SUSD4: variants seen among roughly 807,000 people sequenced by gnomAD.
SUSD4 encodes the protein sushi domain-containing protein 4.
In SUSD4, 41 loss-of-function variants were observed where a neutral mutation model predicts 50.5. That is an observed-to-expected ratio of 0.81 (90% CI 0.63 to 1.05). The LOEUF (loss-of-function observed/expected upper bound fraction) is 1.05, where lower values mean the gene tolerates loss of function less well. Among genes scored for constraint, SUSD4 ranks in the 50% least tolerant of loss-of-function variants. The probability of loss-of-function intolerance (pLI) is 0.00; values close to 1 mark genes in which losing one functional copy is unlikely to be tolerated. For missense variants in SUSD4, 580 were observed against 634.7 expected (o/e 0.91, Z 0.93); for synonymous variants, 257 against 257.3 (o/e 1.00, Z 0.01).
chr1:223,276,704 CATAA>C (rs1405509068), intron 3 of SUSD4, among the ~76,000 whole-genome samples: 1 of 152,202 alleles, frequency 6.6e-6, no homozygotes, highest in East Asian at 1.9e-4. Flanking sequence ...TTAACAGCAG[CATAA>C]ATAAGAAATG....
intron 3 of SUSD4, among the ~76,000 whole-genome samples, chr1:223,282,150 G>C (rs977311676): frequency 1.5e-4 from 23 of 152,164 alleles, no homozygotes; most frequent in African/African-American, 4.8e-4. Flanking sequence ...TGGGCAAAAA[G>C]TGGAAGCATT....
chr1:223,342,616 A>C (rs530080027), intron 2 of SUSD4, among the ~76,000 whole-genome samples: 1 of 152,240 alleles, frequency 6.6e-6, no homozygotes, highest in Non-Finnish European at 1.5e-5. Context: ...ATACAATGTT[A>C]GTATATTATG....
At chr1:223,303,557 G>A (rs372633960) in intron 2 of SUSD4, among the ~76,000 whole-genome samples, 1 of 152,166 alleles carries the variant, frequency 6.6e-6, no homozygotes, top group East Asian at 1.9e-4. Context: ...GCAGGATCTG[G>A]CCAGCAGCCC....
Position 223,227,046 on chromosome 1 carries a change from C to T in SUSD4, c.1061+548G>A, listed in dbSNP as rs1258788488. Among the ~76,000 whole-genome samples, 1 of 152,144 alleles carries T rather than the reference C, an allele frequency of 6.6e-6. No homozygotes were observed. Among genetic ancestry groups the T allele is most frequent in the Admixed American group, 6.5e-5 (1 of 15,282 alleles). Reference sequence around the variant, plus strand: ...CTCAGAAGGATGTAGAAGCGCCTTCCACATGTCCCACTCCAGGGGTTCAGA... The same window carrying T: ...CTCAGAAGGATGTAGAAGCGCCTTCTACATGTCCCACTCCAGGGGTTCAGA... On this transcript the variant is annotated intron_variant, in intron 7 of 8. Transcript: ENST00000366878. The surrounding 1 kb of genome is among the most constrained non-coding windows in gnomAD (Gnocchi z 4.5).
chr1:223,264,462 T>C, intron 5 of SUSD4, 168 bp downstream of exon 5: 1 of 1,350,414 alleles, frequency 7.4e-7, no homozygotes. Context: ...CATCTAATTG[T>C]AAATATGGCT....
chr1:223,310,256 T>C (rs911328110), intron 2 of SUSD4, among the ~76,000 whole-genome samples: 5 of 152,164 alleles, frequency 3.3e-5, no homozygotes, highest in African/African-American at 1.2e-4. Context: ...ACAGCTGTGA[T>C]GCTATGACCT....
chr1:223,365,160 C>T (rs1044082579), upstream of SUSD4, among the ~76,000 whole-genome samples: 2 of 152,010 alleles, frequency 1.3e-5, no homozygotes, highest in Admixed American at 1.3e-4. Flanking sequence ...TGGTAATTGC[C>T]CTCCCAGCCC....
In SUSD4 at chr1:223,292,599, G is replaced by A. The variant is rs1421273361; in HGVS notation, c.201C>T (p.Phe67=). Residue 67 remains phenylalanine (F), a synonymous_variant, in exon 3 of 9, where the codon TTC becomes TTT. Coordinates refer to ENST00000366878, the MANE Select transcript of SUSD4 (RefSeq NM_017982.4). Reference sequence around the variant, plus strand: ...AGAAAACCCCTCCGCTGGGGGTCCTGAAGCCATTCTCGGGAATGCCGGGGT... The same window carrying A: ...AGAAAACCCCTCCGCTGGGGGTCCTAAAGCCATTCTCGGGAATGCCGGGGT... ...CADPGIPENG[F]RTPSGGVFFE... 6.2e-7 allele frequency: 1 copy of A among 1,614,134 alleles called. No homozygotes were observed. The highest frequency in any genetic ancestry group is 8.5e-7 in the Non-Finnish European group (1 of 1,180,022).
intron 5 of SUSD4, chr1:223,230,895 T>C (rs1404629545): frequency 6.6e-6 from 1 of 152,188 alleles, no homozygotes; most frequent in Non-Finnish European, 1.5e-5. Context: ...TCTCGAGAAA[T>C]GCTGGTGAGG....
At chr1:223,288,178 C>A (rs1164216166) in intron 3 of SUSD4, among the ~76,000 whole-genome samples, 1 of 152,142 alleles carries the variant, frequency 6.6e-6, no homozygotes, top group Non-Finnish European at 1.5e-5. Flanking sequence ...GTGATTGGAT[C>A]AAGGCAGCAG....
At chr1:223,281,401 G>T (rs910014974) in intron 3 of SUSD4, among the ~76,000 whole-genome samples, 2 of 152,050 alleles carry the variant, frequency 1.3e-5, no homozygotes, top group African/African-American at 4.8e-5. Flanking sequence ...AATGATAAAG[G>T]GGATATCACC....
chr1:223,340,993 C>A (rs557040080), intron 2 of SUSD4, among the ~76,000 whole-genome samples: 56 of 152,308 alleles, frequency 3.7e-4, no homozygotes, highest in South Asian at 1.9e-3. Flanking sequence ...AATAAAAGCA[C>A]CTTGATTGCT....
At chr1:223,360,868 T>C (rs1475703956) in intron 2 of SUSD4, among the ~76,000 whole-genome samples, 2 of 152,178 alleles carry the variant, frequency 1.3e-5, no homozygotes, top group Admixed American at 6.5e-5. Context: ...GAAGATTAGA[T>C]ATTGGGTGAG....
chr1:223,348,901 A>T (rs1410493767), intron 2 of SUSD4, among the ~76,000 whole-genome samples: 1 of 152,142 alleles, frequency 6.6e-6, no homozygotes. Context: ...GTCTTCATAC[A>T]TGTTCAGGTG....
chr1:223,342,259 T>A (rs1310220491), intron 2 of SUSD4, among the ~76,000 whole-genome samples: 1 of 152,178 alleles, frequency 6.6e-6, no homozygotes, highest in Non-Finnish European at 1.5e-5. Flanking sequence ...AACTGCAATG[T>A]CCTCAGGGCT....
chr1:223,307,561 G>GTGAGGT (rs1665617656), intron 2 of SUSD4, among the ~76,000 whole-genome samples: 1 of 152,204 alleles, frequency 6.6e-6, no homozygotes, highest in Non-Finnish European at 1.5e-5. Context: ...CAGATAGCAT[G>GTGAGGT]TGAGGTTTTC....
At chr1:223,303,796 G>T (rs1288828259) in intron 2 of SUSD4, among the ~76,000 whole-genome samples, 1 of 152,144 alleles carries the variant, frequency 6.6e-6, no homozygotes, top group African/African-American at 2.4e-5. Flanking sequence ...GTCACATGGG[G>T]ATGAAGTAAT....
At chr1:223,338,120 T>A (rs1030546351) in intron 2 of SUSD4, among the ~76,000 whole-genome samples, 3 of 152,234 alleles carry the variant, frequency 2.0e-5, no homozygotes, top group Admixed American at 6.5e-5. Flanking sequence ...ACTTCCCCCA[T>A]GTTGAACACA....
At position 223,255,199 on chromosome 1, in the gene SUSD4, T is replaced by C. The variant is rs75017585; in HGVS notation, c.724+9431A>G. On this transcript the variant is annotated intron_variant, in intron 5 of 8. Coordinates refer to ENST00000366878, the MANE Select transcript of SUSD4 (RefSeq NM_017982.4). ...AGGAGGGAAAGGGCATGAGATTTTC[T>C]CTTTCCTAGGCCCAGGGAACACACA... is the stretch of plus-strand genomic sequence containing the variant. Among the ~76,000 whole-genome samples the C allele has an allele frequency of 6.9e-3, 1,047 of 152,350 alleles. 12 individuals are homozygous for C. Among genetic ancestry groups the C allele is most frequent in the African/African-American group, 0.023 (966 of 41,568 alleles).
Sources: gnomAD v4.1 joint callset for allele counts (sites outside exome capture counted in the v4.1 genomes callset) on GRCh38, gnomAD v4.1.1 for gene constraint, Gnocchi (gnomAD v3.1) non-coding constraint, MANE v1.5 for transcripts, NCBI Gene and HGNC (gene_info 2026-07-23, HGNC 2026-07-21) for gene names.